The following LMAN2 variants were observed in gnomAD, a reference collection of about 807,000 sequenced individuals.
LMAN2 encodes lectin, mannose binding 2.
A neutral mutation model predicts 39.3 loss-of-function variants in LMAN2; 22 were observed. The observed-to-expected ratio is 0.56, with a 90% CI of 0.40 to 0.80. The LOEUF is 0.80. Ranked by LOEUF, LMAN2 falls within the 30% of genes least tolerant of loss-of-function variation. LMAN2 has a pLI of 0.00. For missense variants in LMAN2, 494 were observed against 505.4 expected (o/e 0.98, Z 0.22); for synonymous variants, 207 against 207.8 (o/e 1.00, Z 0.03).
Position 177,351,171 on chromosome 5 carries a change from AC to A in LMAN2, c.315+1del. On this transcript the variant is annotated splice_donor_variant, in intron 2 of 7. Coordinates refer to ENST00000303127, the MANE Select transcript of LMAN2 (RefSeq NM_006816.3). LOFTEE classifies it high-confidence loss of function. ...ACGCCTATCCTCTTGAGAACCACTC[AC>A]CTGGTGGTTCCAGATAGAGCCCTCT... The A allele has an allele frequency of 6.2e-7, 1 of 1,612,426 alleles. No homozygotes were observed. Among genetic ancestry groups the A allele is most frequent in the South Asian group, 1.1e-5 (1 of 91,036 alleles).
At chr5:177,336,415 G>A (rs900862317) in intron 6 of LMAN2, among the ~76,000 whole-genome samples, 1 of 152,212 alleles carries the variant, frequency 6.6e-6, no homozygotes, top group Non-Finnish European at 1.5e-5. Context: ...GGCGATTACT[G>A]AAGGCGATTA....
intron 3 of LMAN2, among the ~76,000 whole-genome samples, chr5:177,338,055 C>CA (rs34821492): frequency 6.6e-6 from 1 of 152,012 alleles, no homozygotes; most frequent in Non-Finnish European, 1.5e-5. Context: ...ACCTGGCCTA[C>CA]AAAAAACAGT....
chr5:177,350,852 C>T (rs1761711265), intron 2 of LMAN2, among the ~76,000 whole-genome samples: 1 of 152,162 alleles, frequency 6.6e-6, no homozygotes, highest in Non-Finnish European at 1.5e-5. Flanking sequence ...CCTGACAGTT[C>T]CACTACTTTC....
intron 2 of LMAN2, among the ~76,000 whole-genome samples, chr5:177,344,969 TGAGAAATTTTCTTGCATGTGCA>T (rs1345522686): frequency 6.6e-6 from 1 of 151,436 alleles, no homozygotes; most frequent in Non-Finnish European, 1.5e-5. Context: ...AAGAAAGATT[TGAGAAATTTTCTTGCATGTGCA>T]GATGTGTACG....
Position 177,337,908 on chromosome 5 carries a change from A to G in LMAN2, c.434-123T>C. Reference sequence around the variant, plus strand: ...AGCCCAACCCACTGGCCATTCACCGAGAGAGAAGGGATCGTGAAAGGAGAA... The same window carrying G: ...AGCCCAACCCACTGGCCATTCACCGGGAGAGAAGGGATCGTGAAAGGAGAA... On this transcript the variant is annotated intron_variant, in intron 3 of 7. Coordinates refer to ENST00000303127, the MANE Select transcript of LMAN2 (RefSeq NM_006816.3). This position sits in a 1 kb window ranked among gnomAD's most constrained non-coding sequence, Gnocchi z 8.2. The G allele has an allele frequency of 1.3e-6, 1 of 765,288 alleles. No homozygotes were observed. The highest frequency in any genetic ancestry group is 2.2e-6 in the Non-Finnish European group (1 of 452,832). 47.4% of individuals were successfully genotyped at this position (765,288 alleles called of 1,614,324 possible).
At chr5:177,338,878 C>T (rs1250295083) in intron 2 of LMAN2, among the ~76,000 whole-genome samples, 1 of 152,246 alleles carries the variant, frequency 6.6e-6, no homozygotes, top group East Asian at 1.9e-4. Context: ...CCTCAGGCTG[C>T]TCCTGAGTAG....
rs145566601 is a variant in LMAN2, at chr5:177,348,304, G to A, written c.315+2869C>T. Among the ~76,000 whole-genome samples, 23 of 152,190 alleles carry A rather than the reference G, an allele frequency of 1.5e-4. No homozygotes were observed. The East Asian group carries it at 4.2e-3, about 28-fold the overall frequency. Reference sequence around the variant, plus strand: ...TTAATTTTACTTGCAGAAGAATATGGTAGGCTAATGAATAACATTTTCAAG... The same window carrying A: ...TTAATTTTACTTGCAGAAGAATATGATAGGCTAATGAATAACATTTTCAAG... On this transcript the variant is annotated intron_variant, in intron 2 of 7. Transcript: ENST00000303127.
In LMAN2 at chr5:177,337,490, T is replaced by C. The variant is rs1009847034; in HGVS notation, c.548A>G (p.Asn183Ser). 8.7e-6 allele frequency: 14 copies of C among 1,613,698 alleles called. No homozygotes were observed. The South Asian group carries it at 9.9e-5, about 11-fold the overall frequency. Residue 183 changes from asparagine (N) to serine (S), a missense_variant, in exon 5 of 8, where the codon AAT (asparagine) becomes AGT (serine). Asn to Ser is a conservative substitution (Grantham distance 46). Transcript: ENST00000303127. The surrounding 1 kb of genome is among the most constrained non-coding windows in gnomAD (Gnocchi z 8.2). ...VFPYISVMVN[N>S]GSLSYDHSKD... The stretch of plus-strand genomic sequence containing the variant: ...GCTGTGGTCGTAGGACAGGGAGCCA[T>C]TGTTCACCATCACCGAGATGTACGG...
chr5:177,344,222 T>TAA (rs529854661), intron 2 of LMAN2, among the ~76,000 whole-genome samples: 3 of 129,916 alleles, frequency 2.3e-5, no homozygotes, highest in Admixed American at 1.5e-4. Context: ...CCCCCATCTC[T>TAA]AAAAAAAAAA....
intron 2 of LMAN2, among the ~76,000 whole-genome samples, chr5:177,344,137 GACTCC>G (rs1406872213): frequency 6.6e-6 from 1 of 151,404 alleles, no homozygotes. Flanking sequence ...AGGATCACTG[GACTCC>G]AGGAGTTCGA....
chr5:177,344,281 CTTTTTTT>C (rs59101629), intron 2 of LMAN2, among the ~76,000 whole-genome samples: 1 of 82,288 alleles, frequency 1.2e-5, no homozygotes, highest in South Asian at 3.8e-4. Context: ...CGCTTTGTTA[CTTTTTTT>C]TTTTTTTTTT....
intron 2 of LMAN2, chr5:177,346,461 G>GTT (rs564565205): frequency 9.5e-5 from 27 of 283,512 alleles, no homozygotes; most frequent in Middle Eastern, 1.4e-3. Flanking sequence ...ACCGGTTGTT[G>GTT]TTTTTTTTTT....
chr5:177,339,003 G>C (rs1424311858), intron 2 of LMAN2, among the ~76,000 whole-genome samples: 2 of 152,222 alleles, frequency 1.3e-5, no homozygotes, highest in East Asian at 3.8e-4. Context: ...ACTCCTATTT[G>C]AGCAAAGTAT....
At position 177,334,145 on chromosome 5, in the gene LMAN2, T is replaced by C; in HGVS notation, c.910+139A>G. 10 of 1,407,728 alleles carry C rather than the reference T, an allele frequency of 7.1e-6. No individual in the cohort carries two copies. In the South Asian group the frequency reaches 1.4e-4, roughly 20 times the overall value. The allele number at this position is 1,407,728 out of a possible 1,614,324, so 87.2% of individuals were successfully genotyped here. A position where few individuals can be genotyped will look rare whatever the true frequency, so the allele number is the denominator to read the frequency against. On this transcript the variant is annotated intron_variant, in intron 7 of 7. Transcript: ENST00000303127. ...TCGGACAGGGCCAGCCAGTGCCGCT[T>C]GCCAGGACCGGGCTGATCCAAGAGC...
intron 2 of LMAN2, among the ~76,000 whole-genome samples, chr5:177,348,687 C>CAA (rs35269220): frequency 7.1e-4 from 24 of 33,862 alleles, no homozygotes; most frequent in Non-Finnish European, 1.0e-3. Context: ...GACTCTGTCT[C>CAA]AAAAAAAAAA....
At position 177,351,215 on chromosome 5, in the gene LMAN2, G is replaced by T; in HGVS notation, c.273C>A (p.Thr91=). 1 of 1,614,166 alleles carries T rather than the reference G, an allele frequency of 6.2e-7. No homozygotes were observed. The highest frequency in any genetic ancestry group is 8.5e-7 in the Non-Finnish European group (1 of 1,180,022). ...TMLTSQYVRL[T]PDERSKEGSI... is the part of the protein sequence containing the mutation. Reference sequence around the variant, plus strand: ...AGCCCTCTTTGCTGCGCTCGTCAGGGGTCAGACGTACGTACTGGCTCGTGA... The same window carrying T: ...AGCCCTCTTTGCTGCGCTCGTCAGGTGTCAGACGTACGTACTGGCTCGTGA... Residue 91 remains threonine, a synonymous_variant, in exon 2 of 8, where the codon ACC becomes ACA. Transcript: ENST00000303127.
chr5:177,336,833 C>G (rs901023266), intron 6 of LMAN2: 2 of 475,990 alleles, frequency 4.2e-6, no homozygotes, highest in African/African-American at 4.0e-5. Context: ...GCCTGAGGCC[C>G]GGACAGGCCA....
rs367812402 is a variant in LMAN2, at chr5:177,334,351, C to T, written c.843G>A (p.Thr281=). The T allele has an allele frequency of 1.3e-5, 21 of 1,613,694 alleles. No homozygotes were observed. Among genetic ancestry groups the T allele is most frequent in the Non-Finnish European group, 1.8e-5 (21 of 1,180,012 alleles). The change falls in exon 7 of 8, where the codon ACG becomes ACA. Residue 281 remains threonine (T), a synonymous_variant. Transcript: ENST00000303127. ...MKLFQLMVEH[T]PDEESIDWTK... ...TCCAGTCGATGCTCTCCTCGTCGGG[C>T]GTGTGCTCCACCATCAGCTGGAACA...
At position 177,351,239 on chromosome 5, in the gene LMAN2, G is replaced by A; in HGVS notation, c.249C>T (p.Leu83=). ...GGGTCAGACGTACGTACTGGCTCGTGAGCATAGTGCTGCCCTGGAAGTCCC... is the reference window on the plus strand; with the variant it reads ...GGGTCAGACGTACGTACTGGCTCGTAAGCATAGTGCTGCCCTGGAAGTCCC... ...PLWDFQGSTM[L]TSQYVRLTPD... The change falls in exon 2 of 8, where the codon CTC becomes CTT. Residue 83 remains leucine (L), a synonymous_variant. Transcript: ENST00000303127. 1 of 1,614,176 alleles carries A rather than the reference G, an allele frequency of 6.2e-7. No individual in the cohort carries two copies. The highest frequency in any genetic ancestry group is 1.1e-5 in the South Asian group (1 of 91,072).
Sources: gnomAD v4.1 joint callset for allele counts (sites outside exome capture counted in the v4.1 genomes callset) on GRCh38, gnomAD v4.1.1 for gene constraint, Gnocchi (gnomAD v3.1) non-coding constraint, MANE v1.5 for transcripts, NCBI Gene and HGNC (gene_info 2026-07-23, HGNC 2026-07-21) for gene names.